DUSP29: variants seen among roughly 807,000 people sequenced by gnomAD.
DUSP29 encodes the protein atypical dual-specific protein phosphatase.
DUSP29 carries 12 observed loss-of-function variants against 13.5 expected under a neutral mutation model. The observed-to-expected ratio is 0.89, with a 90% CI of 0.57 to 1.44. The LOEUF is 1.44. DUSP29 is among the 40% of genes most tolerant of loss of function. The pLI, the probability that DUSP29 is intolerant of heterozygous loss-of-function variation, is 0.00. For missense variants in DUSP29, 308 were observed against 301.1 expected, an observed-to-expected ratio of 1.02 and a Z score of -0.17; for synonymous variants, 134 against 128.7, an observed-to-expected ratio of 1.04 and a Z score of -0.28.
At chr10:75,067,366 G>A (rs555437590) in intron 1 of DUSP29, among the ~76,000 whole-genome samples, 2 of 152,176 alleles carry the variant, frequency 1.3e-5, no homozygotes, top group Non-Finnish European at 2.9e-5. Flanking sequence ...GGAGTAGGGG[G>A]GATCTTCCTT....
chr10:75,038,844 C>G (rs1043323796), intron 3 of DUSP29, among the ~76,000 whole-genome samples: 1 of 152,110 alleles, frequency 6.6e-6, no homozygotes, highest in Admixed American at 6.5e-5. Flanking sequence ...TGAGGCCGGG[C>G]GCGGTGGCTC....
chr10:75,067,409 C>T (rs191342783), intron 1 of DUSP29, among the ~76,000 whole-genome samples: 3 of 152,282 alleles, frequency 2.0e-5, no homozygotes, highest in African/African-American at 7.2e-5. Context: ...GGGCAGCCCC[C>T]CTCCCCACCC....
chr10:75,067,074 C>T (rs1358408147), intron 1 of DUSP29, among the ~76,000 whole-genome samples: 2 of 150,742 alleles, frequency 1.3e-5, no homozygotes, highest in Non-Finnish European at 2.9e-5. Flanking sequence ...TCTCCTGCCT[C>T]AGCCTCTCCC....
At chr10:75,050,297 G>A (rs144281873) in intron 2 of DUSP29, among the ~76,000 whole-genome samples, 17 of 152,344 alleles carry the variant, frequency 1.1e-4, no homozygotes, top group Middle Eastern at 3.4e-3. Flanking sequence ...GCTTTCGAGC[G>A]TACTCAAGCA....
chr10:75,072,223 C>A (rs190119666), intron 1 of DUSP29, among the ~76,000 whole-genome samples: 16 of 152,326 alleles, frequency 1.1e-4, no homozygotes, highest in Non-Finnish European at 2.1e-4. Flanking sequence ...CCAGTTAACA[C>A]AAGCCGCCTA....
intron 2 of DUSP29, among the ~76,000 whole-genome samples, chr10:75,052,455 C>T (rs1221817343): frequency 2.6e-5 from 4 of 151,810 alleles, no homozygotes; most frequent in African/African-American, 4.8e-5. Flanking sequence ...TACAGGAGCC[C>T]GCCACCATGC....
chr10:75,050,633 C>A (rs559199363), intron 2 of DUSP29, among the ~76,000 whole-genome samples: 85 of 152,390 alleles, frequency 5.6e-4, no homozygotes, highest in African/African-American at 1.9e-3. Flanking sequence ...GGTGGCCACC[C>A]ACACACAGTG....
At chr10:75,043,724 C>A (rs1846635824) in intron 3 of DUSP29, 73 bp downstream of exon 3, 5 of 1,359,334 alleles carry the variant, frequency 3.7e-6, no homozygotes, top group African/African-American at 1.5e-5. Flanking sequence ...AGGGGCGGGG[C>A]CTAAGCTACG....
At chr10:75,064,779 A>T (rs115129628) in intron 1 of DUSP29, among the ~76,000 whole-genome samples, 3,078 of 152,182 alleles carry the variant, frequency 0.02, 96 homozygotes, top group African/African-American at 0.069. Context: ...CTTTATGCAT[A>T]AAAAAACCCA....
At chr10:75,044,655 G>C (rs781493732) in intron 2 of DUSP29, among the ~76,000 whole-genome samples, 2 of 152,210 alleles carry the variant, frequency 1.3e-5, no homozygotes, top group Non-Finnish European at 2.9e-5. Flanking sequence ...CTTGAAGCCA[G>C]CAGTGAAGTT....
chr10:75,042,048 A>C (rs948072328), intron 3 of DUSP29, among the ~76,000 whole-genome samples: 3 of 152,122 alleles, frequency 2.0e-5, no homozygotes, highest in Admixed American at 2.0e-4. Flanking sequence ...TGATGTGCAC[A>C]TGCTGGCGTG....
At chr10:75,058,268 G>A (rs1847007477) in intron 2 of DUSP29, 47 bp downstream of exon 2, 19 of 1,581,804 alleles carry the variant, frequency 1.2e-5, no homozygotes, top group Non-Finnish European at 1.6e-5. Flanking sequence ...GTGGCCTGGG[G>A]AGGGGCTGCT....
intron 1 of DUSP29, among the ~76,000 whole-genome samples, chr10:75,071,061 G>A (rs1252207153): frequency 6.6e-6 from 1 of 152,180 alleles, no homozygotes; most frequent in Admixed American, 6.5e-5. Context: ...GATGCCACCA[G>A]GCCTCTACCC....
At chr10:75,058,263 C>A in intron 2 of DUSP29, 52 bp downstream of exon 2, 1 of 1,576,844 alleles carries the variant, frequency 6.3e-7, no homozygotes, top group South Asian at 1.2e-5. Context: ...AGGGCGTGGC[C>A]TGGGGAGGGG....
chr10:75,045,289 GA>G (rs1846682709), intron 2 of DUSP29, among the ~76,000 whole-genome samples: 2 of 152,352 alleles, frequency 1.3e-5, no homozygotes, highest in Non-Finnish European at 2.9e-5. Context: ...AGAATCGCTT[GA>G]ACCCAGGAAG....
intron 2 of DUSP29, among the ~76,000 whole-genome samples, chr10:75,051,361 C>T (rs966097888): frequency 4.6e-5 from 7 of 152,194 alleles, no homozygotes; most frequent in African/African-American, 9.7e-5. Flanking sequence ...CTTGCATTAA[C>T]GCATAGAATC....
intron 1 of DUSP29, among the ~76,000 whole-genome samples, chr10:75,066,176 G>A (rs1048551940): frequency 1.6e-4 from 24 of 152,180 alleles, no homozygotes; most frequent in Admixed American, 4.6e-4. Context: ...GTATGAGGGG[G>A]CCCTGCGGCA....
Position 75,073,376 on chromosome 10 carries a change from G to A in DUSP29, c.-35+193C>T, listed in dbSNP as rs183584759. Among the ~76,000 whole-genome samples the A allele has an allele frequency of 4.6e-5, 7 of 152,358 alleles. 1 individual carries two copies. The highest frequency in any genetic ancestry group is 3.9e-4 in the Admixed American group (6 of 15,310). On this transcript the variant is annotated intron_variant, in intron 1 of 3. Transcript: ENST00000338487. Reference sequence around the variant, plus strand: ...AACTGGAAGTTCAGATTTGGAGAAAGGGAAATGGAGAAAATTCCATGGTGT... The same window carrying A: ...AACTGGAAGTTCAGATTTGGAGAAAAGGAAATGGAGAAAATTCCATGGTGT...
intron 2 of DUSP29, among the ~76,000 whole-genome samples, chr10:75,051,433 A>G (rs1357275312): frequency 2.0e-5 from 3 of 152,198 alleles, no homozygotes; most frequent in East Asian, 3.8e-4. Flanking sequence ...CCACACAGAA[A>G]CCAGTGTTCA....
Sources: allele counts gnomAD v4.1 joint callset (sites outside exome capture counted in the v4.1 genomes callset), GRCh38; gene constraint gnomAD v4.1.1; transcripts MANE v1.5; gene names NCBI Gene and HGNC (gene_info 2026-07-23, HGNC 2026-07-21).